ELFN1: variants seen among roughly 807,000 people sequenced by gnomAD.
ELFN1 encodes the protein protein ELFN1.
In ELFN1, 6 loss-of-function variants were observed where a neutral mutation model predicts 7.6. The ratio of observed to expected loss-of-function variants is 0.79; its 90% CI spans 0.43 to 1.56. The LOEUF is 1.56. Among genes scored for constraint, ELFN1 ranks in the 40% most tolerant of loss-of-function variants. The pLI is 0.01. For missense variants in ELFN1, 1,169 were observed against 1,232.2 expected, an observed-to-expected ratio of 0.95 and a Z score of 0.77; for synonymous variants, 657 against 588.1, an observed-to-expected ratio of 1.12 and a Z score of -1.70.
chr7:1,666,133 G>A (rs1241366752), upstream of ELFN1, among the ~76,000 whole-genome samples: 1 of 152,040 alleles, frequency 6.6e-6, no homozygotes, highest in African/African-American at 2.4e-5. This position sits in a 1 kb window ranked among gnomAD's most constrained non-coding sequence, Gnocchi z 7.9. Context: ...GCTCGCCCGC[G>A]ACAGTGCCTC....
intron 3 of ELFN1, among the ~76,000 whole-genome samples, chr7:1,722,376 C>T (rs1328718911): frequency 1.3e-5 from 2 of 151,588 alleles, no homozygotes; most frequent in Non-Finnish European, 2.9e-5. Flanking sequence ...AAGCGATTCT[C>T]CTGCCTCAGC....
At chr7:1,677,278 A>G (rs1778889371) in intron 1 of ELFN1, among the ~76,000 whole-genome samples, 1 of 152,184 alleles carries the variant, frequency 6.6e-6, no homozygotes, top group Non-Finnish European at 1.5e-5. Context: ...ATGGATTGGT[A>G]TGAAACAGTG....
upstream of ELFN1, among the ~76,000 whole-genome samples, chr7:1,666,671 C>T (rs560092934): frequency 2.6e-5 from 4 of 151,660 alleles, no homozygotes; most frequent in South Asian, 2.1e-4. This position sits in a 1 kb window ranked among gnomAD's most constrained non-coding sequence, Gnocchi z 7.9. Context: ...TTCGAGTGCG[C>T]TGGGGTAGCC....
chr7:1,736,014 C>T lies in ELFN1; in HGVS notation c.-293-8290C>T, dbSNP rs955264980. On this transcript the variant is annotated intron_variant, in intron 3 of 3. Coordinates refer to ENST00000424383, the MANE Select transcript of ELFN1 (RefSeq NM_001128636.4). The stretch of plus-strand genomic sequence containing the variant: ...CCCACGATGGTTCTGTGTCCCCTGA[C>T]GCAGCAGGTGCACAGGCGGGCCCCC... Among the ~76,000 whole-genome samples, 6 of 152,194 alleles carry T rather than the reference C, an allele frequency of 3.9e-5. No homozygotes were observed. The East Asian group carries it at 7.7e-4, about 20-fold the overall frequency.
intron 2 of ELFN1, among the ~76,000 whole-genome samples, chr7:1,707,046 T>C (rs1396576328): frequency 6.6e-6 from 1 of 151,992 alleles, no homozygotes; most frequent in Non-Finnish European, 1.5e-5. Flanking sequence ...CGCACATACA[T>C]GTCTGTGTAC....
chr7:1,710,167 C>T (rs964383593), intron 3 of ELFN1, among the ~76,000 whole-genome samples: 2 of 152,224 alleles, frequency 1.3e-5, no homozygotes, highest in Non-Finnish European at 2.9e-5. Flanking sequence ...GAGTTCTATA[C>T]ACTGAATTTA....
In ELFN1 at chr7:1,746,713, C is replaced by A; in HGVS notation, c.2117C>A (p.Ser706Ter). Residue 706 changes from serine to a stop codon, truncating the protein, a stop_gained, in exon 4 of 4, where the codon TCG becomes TAG. Transcript: ENST00000424383. LOFTEE classifies it low-confidence loss of function (END_TRUNC). ...CGCCAGTACGGCGAGCACCGGCACT[C>A]GTACCCCGGCTCCCACCCGGCCGAG... ...KGRQYGEHRH[S>*]YPGSHPAEPP... is the part of the protein sequence containing the mutation. 1 of 1,475,138 alleles carries A rather than the reference C, an allele frequency of 6.8e-7. No homozygotes were observed. Among genetic ancestry groups the A allele is most frequent in the Non-Finnish European group, 8.9e-7 (1 of 1,119,604 alleles). The allele number at this position is 1,475,138 out of a possible 1,614,324, so 91.4% of individuals were successfully genotyped here. A position where few individuals can be genotyped will look rare whatever the true frequency, so the allele number is the denominator to read the frequency against.
intron 1 of ELFN1, among the ~76,000 whole-genome samples, chr7:1,681,765 T>C (rs1045783347): frequency 3.3e-5 from 5 of 152,232 alleles, no homozygotes. Flanking sequence ...CACCTGCTAT[T>C]GTCGGTCTTT....
rs1203437990 is a variant in ELFN1, at chr7:1,745,874, C to G, written c.1278C>G (p.Leu426=). The G allele has an allele frequency of 1.9e-6, 3 of 1,592,664 alleles. No homozygotes were observed. In the South Asian group the frequency reaches 3.4e-5, roughly 18 times the overall value. Residue 426 remains leucine, a synonymous_variant, in exon 4 of 4, where the codon CTC becomes CTG. Coordinates refer to ENST00000424383, the MANE Select transcript of ELFN1 (RefSeq NM_001128636.4). The stretch of plus-strand genomic sequence containing the variant: ...ACATCATGACCATCCTGGGCTGCCT[C>G]TTCGGCATGGTGCTGGTGCTGGGCG... ...THYIMTILGC[L]FGMVLVLGAV... is the part of the protein sequence containing the mutation.
intron 2 of ELFN1, among the ~76,000 whole-genome samples, chr7:1,708,154 T>A (rs1779577094): frequency 6.6e-6 from 1 of 152,130 alleles, no homozygotes; most frequent in Non-Finnish European, 1.5e-5. Flanking sequence ...AAAGCATCAT[T>A]CATGGGGCTG....
intron 3 of ELFN1, among the ~76,000 whole-genome samples, chr7:1,743,788 G>C (rs1428279916): frequency 6.6e-6 from 1 of 152,206 alleles, no homozygotes; most frequent in Non-Finnish European, 1.5e-5. Flanking sequence ...GGGCCTCCTG[G>C]GAGCAGAAGC....
At chr7:1,719,305 C>A in intron 3 of ELFN1, among the ~76,000 whole-genome samples, 1 of 130,940 alleles carries the variant, frequency 7.6e-6, no homozygotes, top group Non-Finnish European at 1.6e-5. Flanking sequence ...AGGGCCCCGC[C>A]CACCAACAGG....
In ELFN1 at chr7:1,746,753, C is replaced by CCG; in HGVS notation, c.2157_2158insCG (p.Gly720ArgfsTer42). The CCG allele has an allele frequency of 6.7e-7, 1 of 1,499,888 alleles. No homozygotes were observed. Among genetic ancestry groups the CCG allele is most frequent in the Non-Finnish European group, 8.8e-7 (1 of 1,131,196 alleles). 92.9% of individuals were successfully genotyped at this position (1,499,888 alleles called of 1,614,324 possible). A position where few individuals can be genotyped will look rare whatever the true frequency, so the allele number is the denominator to read the frequency against. On this transcript the variant is annotated frameshift_variant, in exon 4 of 4. Coordinates refer to ENST00000424383, the MANE Select transcript of ELFN1 (RefSeq NM_001128636.4). LOFTEE classifies it low-confidence loss of function (END_TRUNC). ...ACCCGGCCGAGCCACCTGCGCCCCC[C>CCG]GGGCCACCGCCGCCGCCTCCGCACG...
At chr7:1,697,667 T>C (rs1779346810) in intron 2 of ELFN1, among the ~76,000 whole-genome samples, 1 of 151,838 alleles carries the variant, frequency 6.6e-6, no homozygotes, top group Admixed American at 6.6e-5. Flanking sequence ...GGTGTCCACT[T>C]CCTGCCCCCA....
intron 1 of ELFN1, among the ~76,000 whole-genome samples, chr7:1,678,221 G>A (rs1778908756): frequency 1.3e-5 from 2 of 152,162 alleles, no homozygotes; most frequent in South Asian, 4.1e-4. Flanking sequence ...GCACAGGGGT[G>A]CACAGGCACA....
chr7:1,729,516 C>T (rs1780280975), intron 3 of ELFN1, among the ~76,000 whole-genome samples: 1 of 152,214 alleles, frequency 6.6e-6, no homozygotes, highest in Non-Finnish European at 1.5e-5. Context: ...CTTTTCTCAC[C>T]TGGTGGCTGC....
chr7:1,743,862 C>A (rs772787218), intron 3 of ELFN1, among the ~76,000 whole-genome samples: 31 of 152,210 alleles, frequency 2.0e-4, no homozygotes, highest in Non-Finnish European at 3.5e-4. Context: ...CGCAGCCAGC[C>A]GGCGGAAGCC....
intron 3 of ELFN1, among the ~76,000 whole-genome samples, chr7:1,728,444 C>T (rs116095265): frequency 0.013 from 2,042 of 152,328 alleles, 50 homozygotes; most frequent in African/African-American, 0.047. Flanking sequence ...GCTGGCTGGG[C>T]GAGCAGAAGC....
At chr7:1,696,378 G>GTCTT (rs1238858861) in intron 2 of ELFN1, among the ~76,000 whole-genome samples, 4 of 151,050 alleles carry the variant, frequency 2.6e-5, no homozygotes, top group Admixed American at 6.6e-5. Flanking sequence ...ATGCCCTGGT[G>GTCTT]TCTTTCTTTC....
Sources: allele counts gnomAD v4.1 joint callset (sites outside exome capture counted in the v4.1 genomes callset), GRCh38; gene constraint gnomAD v4.1.1; non-coding constraint Gnocchi (gnomAD v3.1); transcripts MANE v1.5; gene names NCBI Gene and HGNC (gene_info 2026-07-23, HGNC 2026-07-21).